Variants in SPEG observed in about 807,000 individuals in gnomAD.
SPEG encodes the protein striated muscle enriched protein kinase.
A neutral mutation model predicts 300.4 loss-of-function variants in SPEG; 114 were observed. The observed-to-expected ratio is 0.38, with a 90% CI of 0.33 to 0.44. The LOEUF is 0.44. Among genes scored for constraint, SPEG ranks in the 20% least tolerant of loss-of-function variants. The pLI is 1.00. For missense variants in SPEG, 4,201 were observed against 4,586.2 expected (o/e 0.92, Z 2.43); for synonymous variants, 1,964 against 2,018.9 (o/e 0.97, Z 0.73).
chr2:219,454,246 T>C (rs900077153), intron 6 of SPEG, among the ~76,000 whole-genome samples: 1 of 152,154 alleles, frequency 6.6e-6, no homozygotes, highest in Non-Finnish European at 1.5e-5. Flanking sequence ...CCATGGACCA[T>C]GGTTTAGGGG....
Position 219,464,366 on chromosome 2 carries a change from GC to G in SPEG, c.2706-63del. 6.7e-7 allele frequency: 1 copy of G among 1,501,660 alleles called. No homozygotes were observed. Among genetic ancestry groups the G allele is most frequent in the South Asian group, 1.2e-5 (1 of 81,410 alleles). 93.0% of individuals were successfully genotyped at this position (1,501,660 alleles called of 1,614,324 possible). On this transcript the variant is annotated intron_variant, in intron 8 of 40. Transcript: ENST00000312358. The surrounding 1 kb of genome is among the most constrained non-coding windows in gnomAD (Gnocchi z 4.5). ...AAGGAGAGGCCTGCACAGTGCTGCA[GC>G]CCCAGTTCCTGTGCACGCACATCAG...
At chr2:219,438,225 C>T (rs1954769793) in intron 1 of SPEG, among the ~76,000 whole-genome samples, 1 of 152,136 alleles carries the variant, frequency 6.6e-6, no homozygotes, top group South Asian at 2.1e-4. Context: ...TTGTAGAATC[C>T]TTAACATGCG....
At chr2:219,466,761 C>T (rs1322029059) in intron 9 of SPEG, 1 of 1,006,192 alleles carries the variant, frequency 9.9e-7, no homozygotes, top group Non-Finnish European at 1.2e-6. Context: ...AGGGAGTTAA[C>T]CAAGTTTGGT....
Position 219,461,525 on chromosome 2 carries a change from T to A in SPEG, c.2441-357T>A, listed in dbSNP as rs528433117. ...TGCTTTTGGAGCCTGCAGTTGGTAG[T>A]TTAGGTCTCTAGTCCATGTCAGGAA... On this transcript the variant is annotated intron_variant, in intron 6 of 40. Transcript: ENST00000312358. 13 of 1,126,026 alleles carry A rather than the reference T, an allele frequency of 1.2e-5. No homozygotes were observed. In the East Asian group the frequency reaches 8.0e-4, roughly 69 times the overall value. 69.8% of individuals were successfully genotyped at this position (1,126,026 alleles called of 1,614,324 possible).
chr2:219,468,152 G>A (rs1334136763), intron 10 of SPEG, among the ~76,000 whole-genome samples: 1 of 152,250 alleles, frequency 6.6e-6, no homozygotes, highest in Non-Finnish European at 1.5e-5. Context: ...AGGGGCATCT[G>A]CTCTGGGTCT....
intron 40 of SPEG, 56 bp downstream of exon 40, chr2:219,492,316 G>C (rs1260924492): frequency 2.6e-6 from 4 of 1,558,006 alleles, no homozygotes; most frequent in Non-Finnish European, 3.5e-6. Flanking sequence ...GGCCTGGCCT[G>C]TGCCAGAGAT....
At position 219,444,741 on chromosome 2, in the gene SPEG, G is replaced by A. The variant is rs749372847; in HGVS notation, c.477G>A (p.Thr159=). 3.1e-6 allele frequency: 5 copies of A among 1,613,954 alleles called. No homozygotes were observed. Among genetic ancestry groups the A allele is most frequent in the Admixed American group, 1.7e-5 (1 of 60,006 alleles). Residue 159 remains threonine, a splice_region_variant and synonymous_variant, in exon 2 of 41, where the codon ACG becomes ACA. Transcript: ENST00000312358. This position sits in a 1 kb window ranked among gnomAD's most constrained non-coding sequence, Gnocchi z 7.8. ...ATGACGGGGCCTTCAGCACCCCCAC[G>A]GGTGAGCTCCTGGGGTGTACAAAGA... ...LRDDGAFSTP[T]GGSDTLVGTS... is the part of the protein sequence containing the mutation.
In SPEG at chr2:219,478,090, T is replaced by C. The variant is rs1008010921; in HGVS notation, c.5012T>C (p.Val1671Ala). Residue 1671 changes from valine to alanine, a missense_variant, in exon 22 of 41, where the codon GTC becomes GCC. By Grantham distance (64) the Val-to-Ala change is moderately conservative. Around this residue, in one of 4 missense-constraint regions of SPEG, gnomAD observed 1,047 missense variants for 1,356.8 expected, o/e 0.77. Coordinates refer to ENST00000312358, the MANE Select transcript of SPEG (RefSeq NM_005876.5). ...HEAFERRRGL[V>A]IVTELCTEEL... ...GCCTTCGAGAGGCGCCGGGGACTGG[T>C]CATTGTCACCGAGCTGTATCCTGGG... 2 of 1,613,858 alleles carry C rather than the reference T, an allele frequency of 1.2e-6. No homozygotes were observed. The highest frequency in any genetic ancestry group is 2.2e-5 in the East Asian group (1 of 44,892).
chr2:219,484,616 G>T lies in SPEG; in HGVS notation c.7153G>T (p.Val2385Leu), dbSNP rs776127460. 48 of 1,552,828 alleles carry T rather than the reference G, an allele frequency of 3.1e-5. No homozygotes were observed. The African/African-American group carries it at 5.0e-4, about 16-fold the overall frequency. ...PSPAGTPLEL[V>L]RRPERSRSVQ... ...CCCGGCGGGGACCCCGCTGGAGCTGGTGCGACGGCCTGAGCGCTCACGCTC... is the reference window on the plus strand; with the variant it reads ...CCCGGCGGGGACCCCGCTGGAGCTGTTGCGACGGCCTGAGCGCTCACGCTC... The change falls in exon 30 of 41, where the codon GTG becomes TTG. Residue 2385 changes from valine to leucine, a missense_variant. By Grantham distance (32) the Val-to-Leu change is conservative (BLOSUM62 1). Transcript: ENST00000312358.
At chr2:219,467,067 A>C (rs748721555) in intron 9 of SPEG, 107 bp from the exon 10 acceptor site, 36 of 1,351,320 alleles carry the variant, frequency 2.7e-5, no homozygotes, top group African/African-American at 4.4e-5. Flanking sequence ...AACAAAATGC[A>C]TCTCTCTCTC....
At chr2:219,485,596 C>T (rs1693339117) in intron 31 of SPEG, 119 bp downstream of exon 31, 2 of 1,018,016 alleles carry the variant, frequency 2.0e-6, no homozygotes, top group South Asian at 3.7e-5. Context: ...TGGAAGGGGT[C>T]TGCTCAGACA....
At chr2:219,467,531 C>T (rs1484185247) in intron 10 of SPEG, 97 bp downstream of exon 10, 1 of 1,426,948 alleles carries the variant, frequency 7.0e-7, no homozygotes, top group Admixed American at 2.0e-5. Flanking sequence ...AACAGAGCTC[C>T]AACCCCGAGG....
At chr2:219,465,167 C>T (rs1691151318) in intron 9 of SPEG, 1 of 153,208 alleles carries the variant, frequency 6.5e-6, no homozygotes, top group East Asian at 1.9e-4. Context: ...CCTGGGCCCC[C>T]AGAGCCTGGG....
rs779929108 is a variant in SPEG at position 219,448,130 on chromosome 2, C to T, written c.972C>T (p.Pro324=). 1.9e-6 allele frequency: 3 copies of T among 1,605,098 alleles called. No individual in the cohort carries two copies. In the South Asian group the frequency reaches 3.3e-5, roughly 18 times the overall value. Residue 324 remains proline (P), a synonymous_variant, in exon 4 of 41, where the codon CCC becomes CCT. Transcript: ENST00000312358. ...PRVGKRSPPG[P]PAQPAATPTS... is the part of the protein sequence containing the mutation. ...TCGGGAAGCGGTCCCCGCCGGGACC[C>T]CCGGCCCAGCCCGCGGCCACCCCCA...
chr2:219,446,209 C>G (rs1051082358), intron 3 of SPEG, among the ~76,000 whole-genome samples: 10 of 152,176 alleles, frequency 6.6e-5, no homozygotes. Flanking sequence ...TCTTCTTGGC[C>G]TTACCCGGTG....
At chr2:219,467,465 TG>T (rs2125457556) in intron 10 of SPEG, 31 bp downstream of exon 10, 1 of 1,576,970 alleles carries the variant, frequency 6.3e-7, no homozygotes. Flanking sequence ...TGGGCTGCCG[TG>T]GGTGCCCAAG....
intron 9 of SPEG, chr2:219,465,998 C>CGT: frequency 6.9e-7 from 1 of 1,454,100 alleles, no homozygotes; most frequent in Non-Finnish European, 9.5e-7. Flanking sequence ...TGTGCGCGTG[C>CGT]GTGCGCGTAT....
chr2:219,434,958 C>G lies in SPEG; in HGVS notation c.-20C>G. 2.0e-6 allele frequency: 3 copies of G among 1,492,604 alleles called. No homozygotes were observed. The highest frequency in any genetic ancestry group is 2.7e-6 in the Non-Finnish European group (3 of 1,129,418). 92.5% of individuals were successfully genotyped at this position (1,492,604 alleles called of 1,614,324 possible). A position where few individuals can be genotyped will look rare whatever the true frequency, so the allele number is the denominator to read the frequency against. ...TGGCCGCCCAGTTCCGGCGTCCCCC[C>G]AGCCCAGCTCTCAGTGGCCATGCAG... On this transcript the variant is annotated 5_prime_UTR_variant, in exon 1 of 41. Coordinates refer to ENST00000312358, the MANE Select transcript of SPEG (RefSeq NM_005876.5).
At chr2:219,466,081 G>C (rs1246640068) in intron 9 of SPEG, 2 of 1,601,018 alleles carry the variant, frequency 1.2e-6, no homozygotes, top group South Asian at 2.2e-5. Flanking sequence ...GGGGCCACCT[G>C]TGCTCCCCCC....
Sources: allele counts gnomAD v4.1 joint callset (sites outside exome capture counted in the v4.1 genomes callset), GRCh38; gene constraint gnomAD v4.1.1; regional missense constraint gnomAD v4.1.1; non-coding constraint Gnocchi (gnomAD v3.1); transcripts MANE v1.5; gene names NCBI Gene and HGNC (gene_info 2026-07-23, HGNC 2026-07-21).